WWOX: variants seen among roughly 807,000 people sequenced by gnomAD.
The protein encoded by WWOX is WW domain containing oxidoreductase.
In WWOX, 69 loss-of-function variants were observed where a neutral mutation model predicts 46.2. The observed-to-expected ratio is 1.49, with a 90% CI of 1.23 to 1.82. The LOEUF is 1.82. Among genes scored for constraint, WWOX ranks in the 40% most tolerant of loss-of-function variants. The pLI, the probability that WWOX is intolerant of heterozygous loss-of-function variation, is 0.00. For synonymous variants in WWOX, 359 were observed against 202.6 expected (o/e 1.77, Z -6.56); for missense variants, 919 against 542.6 (o/e 1.69, Z -6.89).
chr16:78,457,889 C>G (rs1437903867), intron 8 of WWOX, among the ~76,000 whole-genome samples: 1 of 134,404 alleles, frequency 7.4e-6, no homozygotes, highest in Non-Finnish European at 1.5e-5. Context: ...GCACTCCAGC[C>G]TGAGCGTGAG....
intron 5 of WWOX, among the ~76,000 whole-genome samples, chr16:78,335,237 A>G (rs13331558): frequency 0.072 from 10,976 of 152,160 alleles, 1,162 homozygotes; most frequent in African/African-American, 0.23. Flanking sequence ...TATCACCTGG[A>G]TATGAAGCCC....
intron 8 of WWOX, among the ~76,000 whole-genome samples, chr16:78,626,872 T>C (rs745368028): frequency 6.6e-6 from 1 of 151,742 alleles, no homozygotes; most frequent in Non-Finnish European, 1.5e-5. Flanking sequence ...TATACTACTT[T>C]ATTTATTTTG....
chr16:78,985,367 C>T (rs1033360625), intron 8 of WWOX, among the ~76,000 whole-genome samples: 11 of 152,186 alleles, frequency 7.2e-5, no homozygotes, highest in African/African-American at 2.7e-4. Context: ...TGTGCCTTGT[C>T]AACACCACAG....
intron 5 of WWOX, among the ~76,000 whole-genome samples, chr16:78,334,804 A>ACGCG (rs1167396167): frequency 3.5e-5 from 2 of 57,900 alleles, no homozygotes; most frequent in African/African-American, 1.1e-4. Context: ...ACACACACAC[A>ACGCG]CACGCACACA....
intron 8 of WWOX, among the ~76,000 whole-genome samples, chr16:78,774,226 C>T (rs545970754): frequency 6.6e-6 from 1 of 152,088 alleles, no homozygotes; most frequent in South Asian, 2.1e-4. Flanking sequence ...CATGGTGAAA[C>T]CCTGTCTCTA....
chr16:78,726,992 C>G (rs1256921714), intron 8 of WWOX, among the ~76,000 whole-genome samples: 1 of 152,106 alleles, frequency 6.6e-6, no homozygotes, highest in Non-Finnish European at 1.5e-5. Context: ...TTTCCTTTTT[C>G]CTGAGAGCAG....
chr16:78,172,151 C>T (rs11859624), intron 5 of WWOX, among the ~76,000 whole-genome samples: 6 of 152,086 alleles, frequency 3.9e-5, no homozygotes, highest in Non-Finnish European at 7.4e-5. Flanking sequence ...GTATTGTACT[C>T]ATACATTATT....
At chr16:78,240,793 G>A (rs1307932661) in intron 5 of WWOX, among the ~76,000 whole-genome samples, 1 of 152,186 alleles carries the variant, frequency 6.6e-6, no homozygotes, top group African/African-American at 2.4e-5. Context: ...GCAGGTGCAA[G>A]GATCTATATA....
At chr16:78,979,324 C>T (rs1173677617) in intron 8 of WWOX, among the ~76,000 whole-genome samples, 1 of 151,934 alleles carries the variant, frequency 6.6e-6, no homozygotes. Flanking sequence ...AGTTTTTTTT[C>T]TATCATATTA....
At chr16:78,265,102 G>A (rs1476057741) in intron 5 of WWOX, among the ~76,000 whole-genome samples, 1 of 150,140 alleles carries the variant, frequency 6.7e-6, no homozygotes, top group Non-Finnish European at 1.5e-5. Context: ...CCTGGTTCAA[G>A]TGATTCTCCT....
At chr16:79,150,668 T>A (rs1474848900) in intron 8 of WWOX, among the ~76,000 whole-genome samples, 1 of 152,170 alleles carries the variant, frequency 6.6e-6, no homozygotes, top group African/African-American at 2.4e-5. Flanking sequence ...CATCCCTTTT[T>A]CTTGAGATGG....
chr16:78,900,542 G>T (rs1252849949), intron 8 of WWOX, among the ~76,000 whole-genome samples: 1 of 152,144 alleles, frequency 6.6e-6, no homozygotes, highest in East Asian at 1.9e-4. Context: ...CTAAGCAGAG[G>T]TTCCAATTTG....
chr16:78,441,929 T>C (rs187973035), intron 8 of WWOX, among the ~76,000 whole-genome samples: 1 of 151,462 alleles, frequency 6.6e-6, no homozygotes, highest in East Asian at 1.9e-4. Context: ...TACTGAGGTA[T>C]GAGTGACAAA....
At chr16:78,294,941 C>A (rs947825574) in intron 5 of WWOX, among the ~76,000 whole-genome samples, 5 of 152,190 alleles carry the variant, frequency 3.3e-5, no homozygotes, top group Admixed American at 2.6e-4. Context: ...AGATACGCGA[C>A]TTTCTACTTT....
At chr16:79,156,731 G>A (rs2050389305) in intron 8 of WWOX, among the ~76,000 whole-genome samples, 1 of 151,792 alleles carries the variant, frequency 6.6e-6, no homozygotes, top group Non-Finnish European at 1.5e-5. Context: ...AGGGGGGTGG[G>A]GGCCTGTGTT....
At position 78,337,449 on chromosome 16, in the gene WWOX, A is replaced by C. The variant is rs531927979; in HGVS notation, c.517-49411A>C. ...TATTAACATCTTGCATTAGTGTGGC[A>C]CATTTGCTACAATTAATAAACCAAT... On this transcript the variant is annotated intron_variant, in intron 5 of 8. Coordinates refer to ENST00000566780, the MANE Select transcript of WWOX (RefSeq NM_016373.4). Among the ~76,000 whole-genome samples the C allele has an allele frequency of 1.5e-4, 23 of 152,262 alleles. 1 individual carries two copies. In the South Asian group the frequency reaches 4.6e-3, roughly 30 times the overall value.
chr16:78,421,462 T>G (rs758820511), intron 6 of WWOX, among the ~76,000 whole-genome samples: 17 of 152,218 alleles, frequency 1.1e-4, no homozygotes, highest in Non-Finnish European at 2.4e-4. Flanking sequence ...AAGGCCCACC[T>G]TAATCCAAGA....
intron 8 of WWOX, among the ~76,000 whole-genome samples, chr16:79,126,193 G>T (rs12103106): frequency 6.6e-6 from 1 of 152,048 alleles, no homozygotes; most frequent in Admixed American, 6.5e-5. Flanking sequence ...GTGAGCTGAG[G>T]CTTGGAACCA....
At position 78,698,153 on chromosome 16, in the gene WWOX, C is replaced by A. The variant is rs557533369; in HGVS notation, c.1056+265401C>A. On this transcript the variant is annotated intron_variant, in intron 8 of 8. Coordinates refer to ENST00000566780, the MANE Select transcript of WWOX (RefSeq NM_016373.4). ...GTTTCTCTTCTATGAAATTCTTTGC[C>A]CTAGGATGGTCCCCTTTGTCAAAGA... Among the ~76,000 whole-genome samples, 9 of 152,214 alleles carry A rather than the reference C, an allele frequency of 5.9e-5. No individual in the cohort carries two copies. In the South Asian group the frequency reaches 1.7e-3, roughly 28 times the overall value.
Sources: gnomAD v4.1 joint callset for allele counts (sites outside exome capture counted in the v4.1 genomes callset) on GRCh38, gnomAD v4.1.1 for gene constraint, MANE v1.5 for transcripts, NCBI Gene and HGNC (gene_info 2026-07-23, HGNC 2026-07-21) for gene names.